Variants in CCDC192 observed in about 807,000 individuals in gnomAD.
CCDC192 encodes coiled-coil domain containing 192.
At position 127,921,149 on chromosome 5, in the gene CCDC192, A is replaced by AAGGACAGGAGAAAGGAG. The variant is rs1397923722; in HGVS notation, c.536-20029_536-20028insCAGGAGAAAGGAGAGGA. On this transcript the variant is annotated intron_variant, in intron 6 of 6. Coordinates refer to ENST00000514853, the MANE Select transcript of CCDC192 (RefSeq NM_001317938.2). ...GGAAAGGACAGGAGAAAGGAGAGGA[A>AAGGACAGGAGAAAGGAG]AGGAAAGGAGAAAAGAAAAGAAAAG... Among the ~76,000 whole-genome samples the AAGGACAGGAGAAAGGAG allele has an allele frequency of 9.8e-4, 147 of 150,508 alleles. 1 individual carries two copies. Among genetic ancestry groups the AAGGACAGGAGAAAGGAG allele is most frequent in the Non-Finnish European group, 5.0e-4 (34 of 67,784 alleles).
At chr5:127,767,022 A>T (rs1041388413) in intron 3 of CCDC192, among the ~76,000 whole-genome samples, 11 of 152,198 alleles carry the variant, frequency 7.2e-5, no homozygotes, top group African/African-American at 2.7e-4. Flanking sequence ...AGAGACTAAT[A>T]AGGCCTTGAG....
chr5:127,934,599 T>G (rs1754138045), intron 6 of CCDC192, among the ~76,000 whole-genome samples: 1 of 152,164 alleles, frequency 6.6e-6, no homozygotes, highest in African/African-American at 2.4e-5. Context: ...CAGATGAAAC[T>G]TCAAGACATA....
intron 2 of CCDC192, among the ~76,000 whole-genome samples, chr5:127,720,004 C>T (rs1393376070): frequency 1.3e-5 from 2 of 152,076 alleles, no homozygotes; most frequent in African/African-American, 4.8e-5. Flanking sequence ...GGACACAACT[C>T]AGACCATATC....
At chr5:127,865,018 G>T (rs947582283) in intron 5 of CCDC192, among the ~76,000 whole-genome samples, 5 of 152,078 alleles carry the variant, frequency 3.3e-5, no homozygotes, top group South Asian at 2.1e-4. Flanking sequence ...GTGGTGGCAC[G>T]TGCCTGTAGT....
chr5:127,715,736 G>A (rs200050919), intron 2 of CCDC192, among the ~76,000 whole-genome samples: 1 of 152,074 alleles, frequency 6.6e-6, no homozygotes, highest in East Asian at 1.9e-4. Flanking sequence ...CCATTTATTT[G>A]TGTACCCATT....
intron 6 of CCDC192, among the ~76,000 whole-genome samples, chr5:127,927,424 G>C (rs1039222770): frequency 6.6e-6 from 1 of 152,004 alleles, no homozygotes; most frequent in African/African-American, 2.4e-5. Context: ...CATCCACGGG[G>C]GGTCTTGGAA....
chr5:127,877,024 A>T (rs1752109705), intron 6 of CCDC192, among the ~76,000 whole-genome samples: 1 of 152,202 alleles, frequency 6.6e-6, no homozygotes, highest in South Asian at 2.1e-4. Context: ...CATTAGCCAG[A>T]TTTTCCACTG....
At chr5:127,792,828 G>A (rs1199625849) in intron 3 of CCDC192, among the ~76,000 whole-genome samples, 2 of 139,598 alleles carry the variant, frequency 1.4e-5, no homozygotes, top group Non-Finnish European at 3.0e-5. Context: ...AGAAGAAGAA[G>A]GAGGAGGAGG....
At chr5:127,783,368 C>A (rs566221600) in intron 3 of CCDC192, among the ~76,000 whole-genome samples, 1 of 152,262 alleles carries the variant, frequency 6.6e-6, no homozygotes, top group East Asian at 1.9e-4. Flanking sequence ...ATCTTGATTT[C>A]ATTTTTGATC....
intron 6 of CCDC192, among the ~76,000 whole-genome samples, chr5:127,931,729 A>T (rs1754034243): frequency 6.6e-6 from 1 of 152,114 alleles, no homozygotes; most frequent in African/African-American, 2.4e-5. Context: ...GAGATCTTGG[A>T]TTCTCCATAT....
intron 5 of CCDC192, among the ~76,000 whole-genome samples, chr5:127,853,799 AAAC>A (rs1750920141): frequency 6.6e-6 from 1 of 151,998 alleles, no homozygotes; most frequent in Non-Finnish European, 1.5e-5. Context: ...AACAAACAAA[AAAC>A]AAACAAAAAA....
At chr5:127,920,519 C>T (rs1753681362) in intron 6 of CCDC192, among the ~76,000 whole-genome samples, 3 of 149,522 alleles carry the variant, frequency 2.0e-5, no homozygotes, top group Non-Finnish European at 4.4e-5. Context: ...AAGCAATTCT[C>T]TGCAAACTTG....
chr5:127,816,186 A>G (rs151063472), intron 5 of CCDC192, among the ~76,000 whole-genome samples: 1 of 152,212 alleles, frequency 6.6e-6, no homozygotes, highest in Non-Finnish European at 1.5e-5. Context: ...AGAAATCAAC[A>G]TACTGTTGTG....
intron 5 of CCDC192, among the ~76,000 whole-genome samples, chr5:127,831,260 A>G (rs866786897): frequency 2.6e-5 from 4 of 152,214 alleles, no homozygotes; most frequent in Non-Finnish European, 5.9e-5. Flanking sequence ...AGATTTTGGC[A>G]TTAATTGTAG....
intron 3 of CCDC192, among the ~76,000 whole-genome samples, chr5:127,780,165 G>GCA (rs938941960): frequency 4.0e-5 from 6 of 150,676 alleles, no homozygotes; most frequent in East Asian, 1.9e-4. Context: ...ATACGTATAC[G>GCA]CACACACATA....
At chr5:127,783,377 T>C (rs932124623) in intron 3 of CCDC192, among the ~76,000 whole-genome samples, 1 of 152,204 alleles carries the variant, frequency 6.6e-6, no homozygotes, top group Admixed American at 6.5e-5. Context: ...TCATTTTTGA[T>C]CCAGTGATCA....
At chr5:127,882,055 A>C (rs1206595885) in intron 6 of CCDC192, among the ~76,000 whole-genome samples, 1 of 152,148 alleles carries the variant, frequency 6.6e-6, no homozygotes, top group Admixed American at 6.5e-5. Flanking sequence ...TGGCAACTCT[A>C]AAGTTACCTC....
chr5:127,715,193 C>T (rs1016594868), intron 2 of CCDC192, among the ~76,000 whole-genome samples: 2 of 152,102 alleles, frequency 1.3e-5, no homozygotes, highest in African/African-American at 4.8e-5. Flanking sequence ...TCAAAAAATC[C>T]TCACCCATAC....
At chr5:127,868,710 C>T (rs911127322) in intron 5 of CCDC192, among the ~76,000 whole-genome samples, 6 of 152,000 alleles carry the variant, frequency 3.9e-5, no homozygotes, top group Admixed American at 6.6e-5. Context: ...ATGACGAAAC[C>T]CAGTCTCTAC....
Sources: allele counts gnomAD v4.1 joint callset (sites outside exome capture counted in the v4.1 genomes callset), GRCh38; gene constraint gnomAD v4.1.1; transcripts MANE v1.5; gene names NCBI Gene and HGNC (gene_info 2026-07-23, HGNC 2026-07-21).